Variants in GPR179 observed in about 807,000 individuals in gnomAD.
The protein encoded by GPR179 is G protein-coupled receptor 179.
GPR179 carries 52 observed loss-of-function variants against 70.8 expected under a neutral mutation model. The observed-to-expected ratio is 0.73, with a 90% CI of 0.59 to 0.93. The LOEUF is 0.93. Among genes scored for constraint, GPR179 ranks in the 40% least tolerant of loss-of-function variants. GPR179 has a pLI of 0.00. For synonymous variants in GPR179, 1,123 were observed against 1,169.0 expected, an observed-to-expected ratio of 0.96 and a Z score of 0.80; for missense variants, 2,734 against 2,966.8, an observed-to-expected ratio of 0.92 and a Z score of 1.82.
Position 38,328,301 on chromosome 17 carries a change from TG to T in GPR179, c.5267del (p.Pro1756GlnfsTer24). 3 of 1,614,034 alleles carry T rather than the reference TG, an allele frequency of 1.9e-6. No individual in the cohort carries two copies. Among genetic ancestry groups the T allele is most frequent in the Non-Finnish European group, 2.5e-6 (3 of 1,180,022 alleles). ...CCCAGGGACAAGCCACCTCCCACTCTGGGGTTGGCTTCTGTGGCTTCTCTGG... is the reference window on the plus strand; with the variant it reads ...CCCAGGGACAAGCCACCTCCCACTCTGGGTTGGCTTCTGTGGCTTCTCTGG... ...TAPEKPQKPT[P>X]EWEVACPWGS... On this transcript the variant is annotated frameshift_variant, in exon 11 of 11. Coordinates refer to ENST00000616987, the MANE Select transcript of GPR179 (RefSeq NM_001004334.4). LOFTEE classifies it low-confidence loss of function (END_TRUNC).
chr17:38,339,043 C>T (rs921308781), intron 2 of GPR179, among the ~76,000 whole-genome samples: 1 of 152,052 alleles, frequency 6.6e-6, no homozygotes, highest in African/African-American at 2.4e-5. Flanking sequence ...CAAGAGGAGC[C>T]CAGAGCTGTG....
intron 3 of GPR179, 147 bp downstream of exon 3, chr17:38,337,486 G>A (rs2037415498): frequency 1.4e-6 from 1 of 724,876 alleles, no homozygotes; most frequent in Admixed American, 2.8e-5. Context: ...CAACCTGCTT[G>A]CCTCTCCTGC....
intron 9 of GPR179, among the ~76,000 whole-genome samples, chr17:38,333,660 T>C (rs1413177555): frequency 1.3e-5 from 2 of 152,178 alleles, no homozygotes; most frequent in Non-Finnish European, 2.9e-5. Flanking sequence ...TATACCTGCT[T>C]CTGAGTAGAT....
chr17:38,332,759 AC>A lies in GPR179; in HGVS notation c.2037+491del. 1.3e-5 allele frequency among the ~76,000 whole-genome samples: 2 copies of A among 152,348 alleles called. 1 individual carries two copies. Among genetic ancestry groups the A allele is most frequent in the East Asian group, 3.9e-4 (2 of 5,190 alleles). On this transcript the variant is annotated intron_variant, in intron 10 of 10. Coordinates refer to ENST00000616987, the MANE Select transcript of GPR179 (RefSeq NM_001004334.4). ...TGAGTAGCTGGGACCACAGACATGT[AC>A]CACCATGCCTGGCTAATTTTTGTAT...
intron 2 of GPR179, among the ~76,000 whole-genome samples, chr17:38,338,656 T>C (rs564256074): frequency 1.3e-5 from 2 of 152,304 alleles, no homozygotes; most frequent in African/African-American, 4.8e-5. Flanking sequence ...TGAAGAGCAG[T>C]AGAACCACCT....
rs1242517880 is a variant in GPR179, at chr17:38,326,798, CAGG to C, written c.6768_6770del (p.Leu2257del). 1.2e-6 allele frequency: 2 copies of C among 1,614,106 alleles called. No homozygotes were observed. The highest frequency in any genetic ancestry group is 2.7e-5 in the African/African-American group (2 of 74,932). On this transcript the variant is annotated inframe_deletion, in exon 11 of 11. Coordinates refer to ENST00000616987, the MANE Select transcript of GPR179 (RefSeq NM_001004334.4). The stretch of plus-strand genomic sequence containing the variant: ...ATTCTCTCCGAGTTGCTGTTAAAGC[CAGG>C]AGGCCAGATTCCTCAGATGGGACTC...
In GPR179 at chr17:38,327,948, C is replaced by T; in HGVS notation, c.5621G>A (p.Cys1874Tyr). ...CCTCAAGTCCTTGTTCTCCCAAATA[C>T]AAATAGTTTCCTGTTGTTGACACAG... The part of the protein sequence containing the change: ...AKLCQQQETI[C>Y]IWENKDLRES... Residue 1874 changes from cysteine to tyrosine, a missense_variant, in exon 11 of 11, where the codon TGT becomes TAT. Cys to Tyr is a radical substitution (Grantham distance 194). Transcript: ENST00000616987. 6.2e-7 allele frequency: 1 copy of T among 1,614,202 alleles called. No homozygotes were observed. The highest frequency in any genetic ancestry group is 8.5e-7 in the Non-Finnish European group (1 of 1,180,036).
rs992776660 is a variant in GPR179 at position 38,341,734 on chromosome 17, G to A, written c.794+1262C>T. Among the ~76,000 whole-genome samples the A allele has an allele frequency of 4.6e-5, 7 of 152,290 alleles. 1 individual carries two copies. Among genetic ancestry groups the A allele is most frequent in the Middle Eastern group, 6.8e-3 (2 of 294 alleles). On this transcript the variant is annotated intron_variant, in intron 1 of 10. Coordinates refer to ENST00000616987, the MANE Select transcript of GPR179 (RefSeq NM_001004334.4). ...ACAAGCTTCTGCGTCAGGACAGGCA[G>A]GATAGTGCGGCCTGCTTGGTTTAAG...
chr17:38,327,705 T>C lies in GPR179; in HGVS notation c.5864A>G (p.Gln1955Arg), dbSNP rs2037302343. The change falls in exon 11 of 11, where the codon CAA becomes CGA. Residue 1955 changes from glutamine (Q) to arginine (R), a missense_variant. Gln to Arg is a conservative substitution (Grantham distance 43, BLOSUM62 1). Coordinates refer to ENST00000616987, the MANE Select transcript of GPR179 (RefSeq NM_001004334.4). ...AGTGGTCTCCCATGGACAGACGGATTGTAGCTCATGGCTTGTTTTTTCCCC... is the reference window on the plus strand; with the variant it reads ...AGTGGTCTCCCATGGACAGACGGATCGTAGCTCATGGCTTGTTTTTTCCCC... ...EDGEKTSHEL[Q>R]SVCPWETTAP... The C allele has an allele frequency of 1.2e-6, 2 of 1,614,090 alleles. No individual in the cohort carries two copies.
chr17:38,336,552 G>A (rs1156458111), intron 4 of GPR179, among the ~76,000 whole-genome samples: 1 of 152,192 alleles, frequency 6.6e-6, no homozygotes, highest in Non-Finnish European at 1.5e-5. Context: ...CCTGGCTCAT[G>A]TCACATCCAG....
chr17:38,328,215 T>G lies in GPR179; in HGVS notation c.5354A>C (p.Lys1785Thr). Reference protein sequence around the residue: ...HPGTLDADGPKAGFQELDHMG... With the variant: ...HPGTLDADGPTAGFQELDHMG... ...ATGATCCAGTTCCTGGAACCCAGCT[T>G]TTGGTCCATCAGCATCTAGAGTACC... The change falls in exon 11 of 11, where the codon AAA (lysine) becomes ACA (threonine). Residue 1785 changes from lysine (K) to threonine (T), a missense_variant. By Grantham distance (78) the Lys-to-Thr change is moderately conservative. Coordinates refer to ENST00000616987, the MANE Select transcript of GPR179 (RefSeq NM_001004334.4). The G allele has an allele frequency of 6.2e-7, 1 of 1,613,600 alleles. No individual in the cohort carries two copies. Among genetic ancestry groups the G allele is most frequent in the Non-Finnish European group, 8.5e-7 (1 of 1,179,988 alleles).
intron 10 of GPR179, among the ~76,000 whole-genome samples, chr17:38,332,396 C>T (rs2037367695): frequency 6.6e-6 from 1 of 152,144 alleles, no homozygotes; most frequent in South Asian, 2.1e-4. Context: ...TGTTAGGGTT[C>T]TGGTGACTAT....
chr17:38,326,521 CA>C lies in GPR179; in HGVS notation c.7047del (p.Phe2349LeufsTer25). Reference protein sequence around the residue: ...SLTEDSGQVAFEAQYEEFTPP... With the variant: ...SLTEDSGQVAXEAQYEEFTPP... ...GGGGTGAATTCTTCATACTGAGCTT[CA>C]AAAGCCACTTGGCCTGAGTCTTCAG... On this transcript the variant is annotated frameshift_variant, in exon 11 of 11. Transcript: ENST00000616987. LOFTEE classifies it low-confidence loss of function (END_TRUNC). The C allele has an allele frequency of 4.3e-6, 7 of 1,613,906 alleles. No homozygotes were observed. Among genetic ancestry groups the C allele is most frequent in the Non-Finnish European group, 5.9e-6 (7 of 1,179,808 alleles).
In GPR179 at chr17:38,330,646, C is replaced by T. The variant is rs754216240; in HGVS notation, c.2923G>A (p.Ala975Thr). The change falls in exon 11 of 11, where the codon GCC becomes ACC. Residue 975 changes from alanine to threonine, a missense_variant. Ala to Thr is a moderately conservative substitution (Grantham distance 58). Transcript: ENST00000616987. ...GGGGATACTGGGACTGGTGCCAGGG[C>T]AGGGGCTGGGGTTGGAGCTAGAGCT... Reference protein sequence around the residue: ...LPALAPTPAPALAPVPVSPQS... With the variant: ...LPALAPTPAPTLAPVPVSPQS... 6.3e-7 allele frequency: 1 copy of T among 1,595,334 alleles called. No homozygotes were observed. The highest frequency in any genetic ancestry group is 8.6e-7 in the Non-Finnish European group (1 of 1,169,358).
chr17:38,328,815 G>GCTTCCTGTGCCTCCGGCCTGAGAT lies in GPR179; in HGVS notation c.4730_4753dup (p.Asp1577_Glu1584dup), dbSNP rs775367460. ...ACAGATTTCTGTTTTGGCAGGTGTT[G>GCTTCCTGTGCCTCCGGCCTGAGAT]CTTCCTGTGCCTCCGGCCTGAGATC... On this transcript the variant is annotated inframe_insertion, in exon 11 of 11. Transcript: ENST00000616987. 6 of 1,613,970 alleles carry GCTTCCTGTGCCTCCGGCCTGAGAT rather than the reference G, an allele frequency of 3.7e-6. No homozygotes were observed.
chr17:38,343,464 A>G lies in GPR179; in HGVS notation c.326T>C (p.Leu109Pro), dbSNP rs761131983. The G allele has an allele frequency of 1.9e-6, 3 of 1,614,052 alleles. No individual in the cohort carries two copies. The highest frequency in any genetic ancestry group is 3.3e-5 in the Admixed American group (2 of 60,030). ...GTCGTTGGCTTGCAGCAGCATGTTG[A>G]GAAAATTGGCGGCCTGGGCAAGGGT... ...AGTLAQAANF[L>P]NMLLQANDIR... Residue 109 changes from leucine to proline, a missense_variant, in exon 1 of 11, where the codon CTC (leucine) becomes CCC (proline). Transcript: ENST00000616987. This position sits in a 1 kb window ranked among gnomAD's most constrained non-coding sequence, Gnocchi z 4.2.
chr17:38,324,693 G>A lies in GPR179; in HGVS notation c.*1772C>T, dbSNP rs1188948878. On this transcript the variant is annotated 3_prime_UTR_variant, in exon 11 of 11. Transcript: ENST00000616987. ...ACCAGACCCAATGGGATTGTTTTGG[G>A]GTGCACAGCAAAATCCACTTTAGCT... Among the ~76,000 whole-genome samples, 1 of 148,548 alleles carries A rather than the reference G, an allele frequency of 6.7e-6. No homozygotes were observed. The highest frequency in any genetic ancestry group is 2.0e-4 in the East Asian group (1 of 4,938).
chr17:38,331,617 T>C, intron 10 of GPR179, 86 bp from the exon 11 acceptor site: 1 of 1,500,752 alleles, frequency 6.7e-7, no homozygotes, highest in Non-Finnish European at 8.9e-7. Context: ...TGCCTAGACC[T>C]TTTTCCCTTA....
At position 38,329,280 on chromosome 17, in the gene GPR179, C is replaced by A; in HGVS notation, c.4289G>T (p.Trp1430Leu). ...GGGGCCCCGGAAATCTGTACTCTCC[C>A]ATGGACAAAGAGACTCCAAGTCTCC... ...PGGDLESLCP[W>L]ESTDFRGPSA... Residue 1430 changes from tryptophan to leucine, a missense_variant, in exon 11 of 11, where the codon TGG (tryptophan) becomes TTG (leucine). Coordinates refer to ENST00000616987, the MANE Select transcript of GPR179 (RefSeq NM_001004334.4). The A allele has an allele frequency of 6.2e-7, 1 of 1,613,372 alleles. No homozygotes were observed. The highest frequency in any genetic ancestry group is 8.5e-7 in the Non-Finnish European group (1 of 1,179,690).
Sources: gnomAD v4.1 joint callset for allele counts (sites outside exome capture counted in the v4.1 genomes callset) on GRCh38, gnomAD v4.1.1 for gene constraint, Gnocchi (gnomAD v3.1) non-coding constraint, MANE v1.5 for transcripts, NCBI Gene and HGNC (gene_info 2026-07-23, HGNC 2026-07-21) for gene names.